GLT1D1: variants seen among roughly 807,000 people sequenced by gnomAD.
GLT1D1 encodes the protein glycosyltransferase 1 domain-containing protein 1.
GLT1D1 carries 21 observed loss-of-function variants against 28.7 expected under a neutral mutation model. The observed-to-expected ratio is 0.73, with a 90% confidence interval of 0.52 to 1.05. The LOEUF is 1.05. Among genes scored for constraint, GLT1D1 ranks in the 50% least tolerant of loss-of-function variants. The pLI, the probability that GLT1D1 is intolerant of heterozygous loss-of-function variation, is 0.00. For missense variants in GLT1D1, 343 were observed against 330.6 expected (o/e 1.04, Z -0.29); for synonymous variants, 147 against 124.8 (o/e 1.18, Z -1.19).
intron 3 of GLT1D1, among the ~76,000 whole-genome samples, chr12:128,893,759 T>C (rs2135840433): frequency 6.6e-6 from 1 of 152,208 alleles, no homozygotes; most frequent in African/African-American, 2.4e-5. Flanking sequence ...CTAATTTTTG[T>C]ATTTTTAGTG....
intron 7 of GLT1D1, among the ~76,000 whole-genome samples, chr12:128,975,726 A>T (rs904245003): frequency 3.9e-5 from 6 of 152,200 alleles, no homozygotes; most frequent in Non-Finnish European, 2.9e-5. Context: ...TGCAGAGATT[A>T]CATGTGTGAG....
At chr12:128,922,686 G>A (rs1290026216) in intron 4 of GLT1D1, among the ~76,000 whole-genome samples, 1 of 152,106 alleles carries the variant, frequency 6.6e-6, no homozygotes, top group Non-Finnish European at 1.5e-5. Context: ...GTTTTGGGAG[G>A]ATGAAGCCAG....
intron 4 of GLT1D1, chr12:128,930,365 T>G (rs1566143637): frequency 6.6e-6 from 1 of 152,218 alleles, no homozygotes; most frequent in South Asian, 2.1e-4. Context: ...TTCTTTTTCA[T>G]TGTTTTCATT....
At chr12:128,919,566 A>T (rs549886037) in intron 4 of GLT1D1, among the ~76,000 whole-genome samples, 2 of 152,350 alleles carry the variant, frequency 1.3e-5, no homozygotes, top group East Asian at 3.9e-4. Context: ...AACCCCTCTT[A>T]TGCTTACCAT....
rs1403672201 is a variant in GLT1D1 at position 128,942,738 on chromosome 12, TGTTTG to T, written c.376-2587_376-2583del. Among the ~76,000 whole-genome samples the T allele has an allele frequency of 8.1e-3, 798 of 99,084 alleles. 63 individuals carry two copies. Among genetic ancestry groups the T allele is most frequent in the African/African-American group, 0.027 (703 of 26,330 alleles). 65.0% of individuals were successfully genotyped at this position (99,084 alleles called of 152,430 possible). ...ACTTTAGATTCCAATTTTCTTTGTT[TGTTTG>T]TTTTTGTTTTTTGTTTTTTTTTTTT... On this transcript the variant is annotated intron_variant, in intron 4 of 7. Coordinates refer to ENST00000281703, the MANE Select transcript of GLT1D1 (RefSeq NM_144669.3).
chr12:128,898,040 T>G (rs1159912044), intron 3 of GLT1D1, among the ~76,000 whole-genome samples: 1 of 152,212 alleles, frequency 6.6e-6, no homozygotes, highest in Non-Finnish European at 1.5e-5. Flanking sequence ...TTTCTATCTT[T>G]TTTTCACTGC....
intron 1 of GLT1D1, chr12:128,864,020 G>A (rs973674658): frequency 3.5e-5 from 16 of 453,378 alleles, no homozygotes; most frequent in African/African-American, 2.2e-4. Context: ...CTGTGGCAGC[G>A]GGGAGAGAAG....
intron 1 of GLT1D1, among the ~76,000 whole-genome samples, chr12:128,872,290 A>G (rs1028105563): frequency 6.6e-6 from 1 of 152,084 alleles, no homozygotes; most frequent in South Asian, 2.1e-4. Context: ...GTATGTGCTG[A>G]TTTTGTAATC....
chr12:128,897,889 G>A (rs189662251), intron 3 of GLT1D1, among the ~76,000 whole-genome samples: 11 of 152,042 alleles, frequency 7.2e-5, no homozygotes, highest in Non-Finnish European at 1.0e-4. Context: ...AGGTGGTCTC[G>A]ATCTCCTGAC....
At position 128,984,546 on chromosome 12, in the gene GLT1D1, G is replaced by T; in HGVS notation, c.*1456G>T. The stretch of plus-strand genomic sequence containing the variant: ...CAGCAGAGGCTCCCAGCCGTGAGAG[G>T]ACTGCTCAACAATGCCCCCCATCGC... On this transcript the variant is annotated 3_prime_UTR_variant, in exon 8 of 8. Transcript: ENST00000281703. 6.6e-6 allele frequency: 1 copy of T among 152,270 alleles called. No individual in the cohort carries two copies. Among genetic ancestry groups the T allele is most frequent in the Admixed American group, 6.5e-5 (1 of 15,284 alleles). The allele number at this position is 152,270 out of a possible 1,614,324, so 9.4% of individuals were successfully genotyped here.
chr12:128,865,066 G>A (rs1401458739), intron 1 of GLT1D1, among the ~76,000 whole-genome samples: 1 of 152,162 alleles, frequency 6.6e-6, no homozygotes, highest in African/African-American at 2.4e-5. Context: ...CAGCAGTCAG[G>A]CTGAGTCTGG....
At chr12:128,925,594 G>T (rs951345619) in intron 4 of GLT1D1, among the ~76,000 whole-genome samples, 1 of 152,222 alleles carries the variant, frequency 6.6e-6, no homozygotes, top group Non-Finnish European at 1.5e-5. Flanking sequence ...ATTGATGGGC[G>T]TTTGGGTTGA....
intron 2 of GLT1D1, among the ~76,000 whole-genome samples, chr12:128,884,152 G>A (rs1374167268): frequency 1.3e-5 from 2 of 152,156 alleles, no homozygotes; most frequent in African/African-American, 2.4e-5. Context: ...CAGGCAGGAC[G>A]GGGAATCAAC....
At chr12:128,866,284 T>A (rs193000129) in intron 1 of GLT1D1, among the ~76,000 whole-genome samples, 119 of 152,134 alleles carry the variant, frequency 7.8e-4, no homozygotes, top group African/African-American at 2.5e-3. Context: ...TTAGCCAGGA[T>A]GCTCTCGATC....
At chr12:128,943,355 C>CTCTTTT (rs1555272711) in intron 4 of GLT1D1, among the ~76,000 whole-genome samples, 3 of 144,850 alleles carry the variant, frequency 2.1e-5, no homozygotes, top group African/African-American at 7.6e-5. Flanking sequence ...TCTTTTCTCT[C>CTCTTTT]TTTTTTTTTT....
intron 4 of GLT1D1, among the ~76,000 whole-genome samples, chr12:128,913,444 C>T (rs1268425038): frequency 6.6e-6 from 1 of 152,180 alleles, no homozygotes; most frequent in Non-Finnish European, 1.5e-5. Flanking sequence ...TGATCTTGAA[C>T]TCCTGACCTC....
In GLT1D1 at chr12:128,933,375, G is replaced by A. The variant is rs115484295; in HGVS notation, c.376-11951G>A. 5.0e-3 allele frequency among the ~76,000 whole-genome samples: 767 copies of A among 152,394 alleles called. 4 individuals are homozygous for A. The highest frequency in any genetic ancestry group is 0.017 in the African/African-American group (723 of 41,596). On this transcript the variant is annotated intron_variant, in intron 4 of 7. Transcript: ENST00000281703. Reference sequence around the variant, plus strand: ...GCGCACGTCAGAAACAAGCTCTATTGAACAATACGCTTTCTTTTACTTCAT... The same window carrying A: ...GCGCACGTCAGAAACAAGCTCTATTAAACAATACGCTTTCTTTTACTTCAT...
intron 4 of GLT1D1, among the ~76,000 whole-genome samples, chr12:128,921,941 G>T: frequency 6.7e-6 from 1 of 149,632 alleles, no homozygotes; most frequent in African/African-American, 2.5e-5. Flanking sequence ...TTCCAATTCG[G>T]TAATACTGAT....
At chr12:128,906,906 G>C (rs1265310132) in intron 4 of GLT1D1, 1 of 702,278 alleles carries the variant, frequency 1.4e-6, no homozygotes. Flanking sequence ...TTAAAATATA[G>C]AAAGCAAGAC....
Sources: allele counts gnomAD v4.1 joint callset (sites outside exome capture counted in the v4.1 genomes callset), GRCh38; gene constraint gnomAD v4.1.1; transcripts MANE v1.5; gene names NCBI Gene and HGNC (gene_info 2026-07-23, HGNC 2026-07-21).